Variants in MARCHF8 observed in about 807,000 individuals in gnomAD.
MARCHF8 encodes the protein membrane associated ring-CH-type finger 8.
Under a neutral mutation model 51.6 loss-of-function variants are expected in MARCHF8, and 40 were observed. The observed-to-expected ratio is 0.77, with a 90% confidence interval of 0.60 to 1.01. The LOEUF (loss-of-function observed/expected upper bound fraction) is 1.01. Ranked by LOEUF, MARCHF8 falls within the 50% of genes least tolerant of loss-of-function variation. MARCHF8 has a pLI of 0.00. For synonymous variants in MARCHF8, 263 were observed against 280.3 expected, an observed-to-expected ratio of 0.94 and a Z score of 0.62; for missense variants, 685 against 708.6, an observed-to-expected ratio of 0.97 and a Z score of 0.38.
chr10:45,464,024 A>G, intron 4 of MARCHF8, 28 bp from the exon 5 acceptor site: 1 of 1,511,484 alleles, frequency 6.6e-7, no homozygotes, highest in Non-Finnish European at 8.8e-7. Flanking sequence ...GGATAAAAGC[A>G]CAGAAAGTAA....
chr10:45,588,258 A>G (rs2044639266), intron 1 of MARCHF8, among the ~76,000 whole-genome samples: 1 of 152,196 alleles, frequency 6.6e-6, no homozygotes, highest in African/African-American at 2.4e-5. Context: ...ATACAGTCAT[A>G]CAACATTTCT....
intron 1 of MARCHF8, among the ~76,000 whole-genome samples, chr10:45,583,371 G>A (rs1196265944): frequency 3.3e-5 from 5 of 152,092 alleles, no homozygotes. Context: ...TAGGGCTCTA[G>A]ACTAAGAATA....
intron 1 of MARCHF8, among the ~76,000 whole-genome samples, chr10:45,556,619 A>T (rs1326956116): frequency 5.3e-5 from 8 of 152,130 alleles, no homozygotes; most frequent in Admixed American, 1.3e-4. Flanking sequence ...GGCATATAAA[A>T]TTTTTCAGGA....
intron 2 of MARCHF8, among the ~76,000 whole-genome samples, chr10:45,496,234 A>T (rs1039358807): frequency 6.6e-6 from 1 of 152,194 alleles, no homozygotes. Context: ...CTGTGTAACT[A>T]TAAGACAATA....
At chr10:45,503,688 A>T (rs1001785467) in intron 2 of MARCHF8, among the ~76,000 whole-genome samples, 24 of 152,278 alleles carry the variant, frequency 1.6e-4, no homozygotes, top group Admixed American at 1.5e-3. Context: ...AAGCAAACAC[A>T]AATAAAAATT....
intron 3 of MARCHF8, among the ~76,000 whole-genome samples, chr10:45,475,125 G>C (rs928546327): frequency 6.6e-6 from 1 of 152,214 alleles, no homozygotes; most frequent in Non-Finnish European, 1.5e-5. Flanking sequence ...AGCCATTGCA[G>C]CAGCTAGCTG....
chr10:45,526,406 C>G (rs189333269), intron 2 of MARCHF8, among the ~76,000 whole-genome samples: 27 of 152,274 alleles, frequency 1.8e-4, no homozygotes, highest in African/African-American at 6.0e-4. Context: ...GTGGGAGACC[C>G]CCTTGACCCT....
intron 1 of MARCHF8, among the ~76,000 whole-genome samples, chr10:45,550,569 A>C (rs1021161326): frequency 3.3e-5 from 5 of 152,214 alleles, no homozygotes; most frequent in Non-Finnish European, 7.3e-5. Flanking sequence ...CACATACTGC[A>C]GTAAACCAGA....
intron 1 of MARCHF8, among the ~76,000 whole-genome samples, chr10:45,572,096 G>A (rs963296793): frequency 6.6e-6 from 1 of 150,422 alleles, no homozygotes; most frequent in African/African-American, 2.4e-5. Context: ...TTCCTGGGGG[G>A]CAAGCACCCC....
intron 2 of MARCHF8, among the ~76,000 whole-genome samples, chr10:45,512,006 C>T (rs2043521413): frequency 6.7e-6 from 1 of 149,978 alleles, no homozygotes; most frequent in Admixed American, 6.6e-5. Flanking sequence ...AAGTGAGGAG[C>T]GCCTCTTCCC....
At chr10:45,521,033 T>A (rs1422402766) in intron 2 of MARCHF8, among the ~76,000 whole-genome samples, 3 of 152,008 alleles carry the variant, frequency 2.0e-5, no homozygotes, top group Non-Finnish European at 4.4e-5. Flanking sequence ...CTAAAAAAAA[T>A]AATCAACTTA....
At chr10:45,537,995 A>G (rs12243845), upstream of MARCHF8, among the ~76,000 whole-genome samples, 3,626 of 152,278 alleles carry the variant, frequency 0.024, 131 homozygotes, top group African/African-American at 0.078. Flanking sequence ...ACTAATCTAG[A>G]TGACATGGAG....
At chr10:45,512,820 G>A (rs1006750987) in intron 2 of MARCHF8, among the ~76,000 whole-genome samples, 1 of 152,116 alleles carries the variant, frequency 6.6e-6, no homozygotes, top group African/African-American at 2.4e-5. Flanking sequence ...AAATCGGATG[G>A]TTGCCGTGTC....
intron 3 of MARCHF8, among the ~76,000 whole-genome samples, chr10:45,480,401 T>C (rs2042863481): frequency 6.6e-6 from 1 of 151,998 alleles, no homozygotes; most frequent in African/African-American, 2.4e-5. Flanking sequence ...ACCAACTCAA[T>C]GGGGGAAAAT....
rs1235098360 is a variant in MARCHF8 at position 45,464,219 on chromosome 10, C to T, written c.242+20G>A. ...TCTGGCTGCACACTGATCATGGCAG[C>T]ATCTGAAGCAGAGTGTTACCTGCAG... On this transcript the variant is annotated intron_variant, in intron 4 of 7. Transcript: ENST00000453424. 2.5e-6 allele frequency: 4 copies of T among 1,610,682 alleles called. No homozygotes were observed. The highest frequency in any genetic ancestry group is 3.4e-6 in the Non-Finnish European group (4 of 1,177,032).
At chr10:45,516,576 C>CA (rs1195249666) in intron 2 of MARCHF8, among the ~76,000 whole-genome samples, 1 of 152,132 alleles carries the variant, frequency 6.6e-6, no homozygotes, top group Non-Finnish European at 1.5e-5. Flanking sequence ...CCAGCCTGGA[C>CA]AATACAGCGA....
At chr10:45,561,455 A>G (rs1221225329) in intron 1 of MARCHF8, among the ~76,000 whole-genome samples, 1 of 151,654 alleles carries the variant, frequency 6.6e-6, no homozygotes, top group Non-Finnish European at 1.5e-5. Flanking sequence ...TTGTATTTTT[A>G]GTGGAGACGG....
intron 1 of MARCHF8, among the ~76,000 whole-genome samples, chr10:45,548,514 T>C (rs188306956): frequency 8.5e-5 from 13 of 152,254 alleles, no homozygotes; most frequent in African/African-American, 2.9e-4. Flanking sequence ...TTCTGAAAGA[T>C]TTTGCATCTC....
chr10:45,528,661 A>T lies in MARCHF8; in HGVS notation c.102+4449T>A, dbSNP rs568562932. On this transcript the variant is annotated intron_variant, in intron 2 of 7. Transcript: ENST00000453424. ...TTTTTTGTTGTGAGGAGGAATCAGT[A>T]GCATTTCTATACAACAATGATATAA... 7.9e-5 allele frequency among the ~76,000 whole-genome samples: 12 copies of T among 152,310 alleles called. No individual in the cohort carries two copies. The East Asian group carries it at 1.7e-3, about 22-fold the overall frequency.
Sources: gnomAD v4.1 joint callset for allele counts (sites outside exome capture counted in the v4.1 genomes callset) on GRCh38, gnomAD v4.1.1 for gene constraint, MANE v1.5 for transcripts, NCBI Gene and HGNC (gene_info 2026-07-23, HGNC 2026-07-21) for gene names.